The following BID variants were observed in gnomAD, a reference collection of about 807,000 sequenced individuals.
BID encodes BH3-interacting domain death agonist.
BID carries 19 observed loss-of-function variants against 17.4 expected under a neutral mutation model. The observed-to-expected ratio is 1.09, with a 90% CI of 0.76 to 1.60. BID has a LOEUF of 1.60. Among genes scored for constraint, BID ranks in the 40% most tolerant of loss-of-function variants. The probability of loss-of-function intolerance (pLI) is 0.00; values close to 1 mark genes in which losing one functional copy is unlikely to be tolerated. For missense variants in BID, 226 were observed against 256.0 expected (o/e 0.88, Z 0.80); for synonymous variants, 108 against 102.8 (o/e 1.05, Z -0.31).
rs547788514 is a variant in BID, at chr22:17,763,229, A to C, written c.-59+11152T>G. Reference sequence around the variant, plus strand: ...AGCATTTACATAGCTGTTTGTCTCCATCATGTGTATTAATTATAACTTTTT... The same window carrying C: ...AGCATTTACATAGCTGTTTGTCTCCCTCATGTGTATTAATTATAACTTTTT... On this transcript the variant is annotated intron_variant, in intron 1 of 5. Coordinates refer to ENST00000622694, the MANE Select transcript of BID (RefSeq NM_001196.4). Among the ~76,000 whole-genome samples the C allele has an allele frequency of 6.1e-5, 9 of 147,222 alleles. No individual in the cohort carries two copies. In the East Asian group the frequency reaches 1.8e-3, roughly 30 times the overall value.
rs756572400 is a variant in BID at position 17,739,367 on chromosome 22, G to A, written c.345C>T (p.Asn115=). ...LVNGLALQLR[N]TSRSEEDRNR... ...CACTCACCTCCTCCGACCGGCTGGT[G>A]TTCCTGAGCTGCAGGGCCAGGCCGT... Residue 115 remains asparagine (N), a synonymous_variant, in exon 4 of 6, where the codon AAC becomes AAT. Coordinates refer to ENST00000622694, the MANE Select transcript of BID (RefSeq NM_001196.4). The A allele has an allele frequency of 3.8e-6, 6 of 1,599,906 alleles. No homozygotes were observed. The highest frequency in any genetic ancestry group is 5.1e-6 in the Non-Finnish European group (6 of 1,175,374).
At chr22:17,751,653 G>A (rs547130391) in intron 1 of BID, among the ~76,000 whole-genome samples, 17 of 152,324 alleles carry the variant, frequency 1.1e-4, no homozygotes, top group African/African-American at 3.6e-4. Flanking sequence ...ACTGACATGC[G>A]CATCACCCAC....
At chr22:17,772,703 C>T (rs2061729989) in intron 1 of BID, among the ~76,000 whole-genome samples, 1 of 152,158 alleles carries the variant, frequency 6.6e-6, no homozygotes. Context: ...CCTGGGCAGA[C>T]AGTTCCCCCT....
At chr22:17,771,530 G>T (rs2061720661) in intron 1 of BID, among the ~76,000 whole-genome samples, 1 of 151,410 alleles carries the variant, frequency 6.6e-6, no homozygotes, top group African/African-American at 2.4e-5. Context: ...TCCCGTCTCA[G>T]CCTCCCAAAG....
chr22:17,758,103 G>A (rs1447464603), intron 1 of BID, among the ~76,000 whole-genome samples: 1 of 152,320 alleles, frequency 6.6e-6, no homozygotes, highest in East Asian at 1.9e-4. Context: ...TGAAGGTAAC[G>A]GGGTCCAGTC....
At position 17,750,131 on chromosome 22, in the gene BID, G is replaced by A. The variant is rs1423238344; in HGVS notation, c.-15C>T. On this transcript the variant is annotated 5_prime_UTR_variant, in exon 2 of 6. Coordinates refer to ENST00000622694, the MANE Select transcript of BID (RefSeq NM_001196.4). ...TCACAGTCCATGGCCTGGGCAGCGC[G>A]GCAGCTCCGACTCACTCCTGGTTCA... 1.9e-6 allele frequency: 3 copies of A among 1,613,222 alleles called. No individual in the cohort carries two copies. Among genetic ancestry groups the A allele is most frequent in the Admixed American group, 1.7e-5 (1 of 59,982 alleles).
chr22:17,743,771 C>T (rs906261272), intron 3 of BID, 32 bp downstream of exon 3: 2 of 1,584,042 alleles, frequency 1.3e-6, no homozygotes, highest in African/African-American at 2.7e-5. Flanking sequence ...AGAAGCCCAG[C>T]TTTGGGGAAG....
At chr22:17,742,645 G>A (rs1054807007) in intron 3 of BID, among the ~76,000 whole-genome samples, 14 of 152,102 alleles carry the variant, frequency 9.2e-5, no homozygotes, top group African/African-American at 2.7e-4. Flanking sequence ...ACCAGGGTCC[G>A]GGGATCCCTG....
At chr22:17,759,773 C>G (rs943148115) in intron 1 of BID, among the ~76,000 whole-genome samples, 1 of 151,970 alleles carries the variant, frequency 6.6e-6, no homozygotes, top group African/African-American at 2.4e-5. Context: ...CTTACTGAAC[C>G]TATGCAAATA....
At chr22:17,739,846 C>T (rs1172633410) in intron 3 of BID, 5 of 607,438 alleles carry the variant, frequency 8.2e-6, no homozygotes, top group Non-Finnish European at 1.5e-5. Context: ...TGGCCTTGGC[C>T]TGGGCAGCCG....
At chr22:17,767,922 C>T (rs1437224666) in intron 1 of BID, among the ~76,000 whole-genome samples, 2 of 152,072 alleles carry the variant, frequency 1.3e-5, no homozygotes, top group African/African-American at 4.8e-5. Context: ...CCTGTCTCTA[C>T]AAAAAATACA....
chr22:17,753,606 C>T (rs950000329), intron 1 of BID, among the ~76,000 whole-genome samples: 1 of 152,202 alleles, frequency 6.6e-6, no homozygotes, highest in African/African-American at 2.4e-5. Context: ...CCTAGGAGGG[C>T]GTGGATGCAG....
intron 1 of BID, among the ~76,000 whole-genome samples, chr22:17,759,552 AAAAC>A (rs1318566851): frequency 1.3e-5 from 2 of 152,026 alleles, no homozygotes; most frequent in Non-Finnish European, 2.9e-5. Flanking sequence ...ACCCCGTCTC[AAAAC>A]AAACAAACAA....
chr22:17,756,436 T>C (rs796856661), intron 1 of BID, among the ~76,000 whole-genome samples: 4 of 30,172 alleles, frequency 1.3e-4, no homozygotes, highest in Non-Finnish European at 2.9e-4. Flanking sequence ...TTCTTTCTTC[T>C]TTCTTTCTTT....
At chr22:17,746,526 G>C (rs1165191414) in intron 2 of BID, among the ~76,000 whole-genome samples, 1 of 152,196 alleles carries the variant, frequency 6.6e-6, no homozygotes, top group African/African-American at 2.4e-5. Flanking sequence ...TGCCTCAAGC[G>C]ACAGTCCTGG....
intron 1 of BID, among the ~76,000 whole-genome samples, chr22:17,753,389 A>T (rs2061556317): frequency 6.6e-6 from 1 of 152,242 alleles, no homozygotes; most frequent in Non-Finnish European, 1.5e-5. Flanking sequence ...TTGAGGCCAC[A>T]CGGCCCAGAC....
intron 1 of BID, among the ~76,000 whole-genome samples, chr22:17,771,364 G>C (rs1159189511): frequency 6.6e-6 from 1 of 152,164 alleles, no homozygotes; most frequent in Admixed American, 6.5e-5. Context: ...CTCCCAAAGT[G>C]CTGGGATTAC....
intron 3 of BID, chr22:17,740,972 C>T (rs1322668680): frequency 1.3e-5 from 2 of 152,200 alleles, no homozygotes; most frequent in African/African-American, 4.8e-5. Flanking sequence ...TAGATGCCAG[C>T]TATTGTTATT....
chr22:17,747,301 A>G (rs562975667), intron 2 of BID, among the ~76,000 whole-genome samples: 163 of 152,272 alleles, frequency 1.1e-3, no homozygotes, highest in African/African-American at 3.8e-3. Context: ...ATATGGAATC[A>G]TGCCCTTTTT....
Sources: allele counts gnomAD v4.1 joint callset (sites outside exome capture counted in the v4.1 genomes callset), GRCh38; gene constraint gnomAD v4.1.1; transcripts MANE v1.5; gene names NCBI Gene and HGNC (gene_info 2026-07-23, HGNC 2026-07-21).